The following CASD1 variants were observed in gnomAD, a reference collection of about 807,000 sequenced individuals.
CASD1 encodes the protein CAS1 domain sialic acid O acetyltransferase 1.
A neutral mutation model predicts 100.0 loss-of-function variants in CASD1; 41 were observed. The observed-to-expected ratio is 0.41, with a 90% CI of 0.32 to 0.53. The LOEUF is 0.53. Ranked by LOEUF, CASD1 falls within the 20% of genes least tolerant of loss-of-function variation. The pLI is 0.25. For synonymous variants in CASD1, 321 were observed against 315.6 expected (o/e 1.02, Z -0.18); for missense variants, 774 against 948.7 (o/e 0.82, Z 2.42).
Position 94,544,522 on chromosome 7 carries a change from G to A in CASD1, c.1468G>A (p.Val490Ile), listed in dbSNP as rs1461869447. Residue 490 changes from valine to isoleucine, a missense_variant, in exon 11 of 18, where the codon GTA (valine) becomes ATA (isoleucine). Val to Ile is a conservative substitution (Grantham distance 29). Coordinates refer to ENST00000297273, the MANE Select transcript of CASD1 (RefSeq NM_022900.5). ...AAAAGGAGATTTTGGAATCTATAGA[G>A]TATGTCAGGTAGGAATGCACTGTTA... Reference protein sequence around the residue: ...WIKGDFGIYRVCQVLFRLNFL... With the variant: ...WIKGDFGIYRICQVLFRLNFL... 1 of 1,612,124 alleles carries A rather than the reference G, an allele frequency of 6.2e-7. No homozygotes were observed. The highest frequency in any genetic ancestry group is 2.2e-5 in the East Asian group (1 of 44,704).
chr7:94,628,497 C>A, the CASD1 span: 2 of 641,208 alleles, frequency 3.1e-6, no homozygotes, highest in Non-Finnish European at 2.7e-6. Flanking sequence ...CAAAACCCAT[C>A]TGGGAATTTA....
chr7:94,555,503 C>T lies in CASD1; in HGVS notation c.2139C>T (p.Cys713=), dbSNP rs1292269562. Reference sequence around the variant, plus strand: ...ATTTTTTCTCCTAGCTATTTATTTGCCAGTATCACATATGGCTGGCAGCGG... The same window carrying T: ...ATTTTTTCTCCTAGCTATTTATTTGTCAGTATCACATATGGCTGGCAGCGG... ...FGKISLELFI[C]QYHIWLAADT... Residue 713 remains cysteine (C), a synonymous_variant, in exon 18 of 18, where the codon TGC becomes TGT. Transcript: ENST00000297273. 11 of 1,611,774 alleles carry T rather than the reference C, an allele frequency of 6.8e-6. No homozygotes were observed. Among genetic ancestry groups the T allele is most frequent in the Non-Finnish European group, 9.3e-6 (11 of 1,178,754 alleles).
chr7:94,510,774 A>AAAGGGCG (rs1326180575), intron 1 of CASD1, among the ~76,000 whole-genome samples: 2 of 152,280 alleles, frequency 1.3e-5, no homozygotes, highest in Non-Finnish European at 2.9e-5. Context: ...TCCTTTGCCA[A>AAAGGGCG]AAGGGCGACA....
the CASD1 span, chr7:94,588,762 C>T: frequency 6.2e-7 from 1 of 1,613,194 alleles, no homozygotes; most frequent in Non-Finnish European, 8.5e-7. Flanking sequence ...TTGAGTAAAA[C>T]TGTTTGTTTA....
At chr7:94,588,891 A>G in the CASD1 span, 181 of 746,676 alleles carry the variant, frequency 2.4e-4, no homozygotes, top group Non-Finnish European at 1.0e-4. Context: ...AGATGAGGAA[A>G]CTGAGGTCTG....
the CASD1 span, chr7:94,618,642 T>C: frequency 1.2e-6 from 1 of 805,150 alleles, no homozygotes. Context: ...CTTTACAATA[T>C]CTATTTCTTA....
intron 7 of CASD1, among the ~76,000 whole-genome samples, chr7:94,534,860 C>T (rs1417252445): frequency 2.0e-5 from 3 of 152,006 alleles, no homozygotes; most frequent in Admixed American, 1.3e-4. Flanking sequence ...CCTTGAGCCT[C>T]AATAATATTA....
At chr7:94,603,411 CAAG>C in the CASD1 span, 2 of 1,613,300 alleles carry the variant, frequency 1.2e-6, no homozygotes, top group East Asian at 2.2e-5. Context: ...TTCTCGTAAA[CAAG>C]AAGAAAACGG....
the CASD1 span, among the ~76,000 whole-genome samples, chr7:94,595,692 G>C: frequency 6.6e-6 from 1 of 152,144 alleles, no homozygotes; most frequent in Non-Finnish European, 1.5e-5. Flanking sequence ...TTAAAACATA[G>C]CTGTTTTTCT....
At chr7:94,594,044 G>A in the CASD1 span, among the ~76,000 whole-genome samples, 2 of 152,014 alleles carry the variant, frequency 1.3e-5, no homozygotes, top group African/African-American at 4.8e-5. Flanking sequence ...CGTGGTTTGG[G>A]AACAAGGCTA....
chr7:94,581,554 T>A, the CASD1 span, among the ~76,000 whole-genome samples: 42,316 of 151,876 alleles, frequency 0.28, 8,736 homozygotes, highest in African/African-American at 0.58. Flanking sequence ...AACAGGTCCC[T>A]GTGTGTGTTG....
chr7:94,534,018 A>C (rs1272086382), intron 7 of CASD1, among the ~76,000 whole-genome samples: 1 of 152,274 alleles, frequency 6.6e-6, no homozygotes, highest in African/African-American at 2.4e-5. Context: ...ATATCCTCCA[A>C]GAAACCTCAT....
chr7:94,610,355 C>G, the CASD1 span, among the ~76,000 whole-genome samples: 32 of 152,056 alleles, frequency 2.1e-4, no homozygotes, highest in African/African-American at 7.7e-4. Flanking sequence ...AAGGTAGGGA[C>G]TTTGGGTGAT....
chr7:94,555,148 T>C (rs1024542970), intron 17 of CASD1, among the ~76,000 whole-genome samples: 1 of 152,144 alleles, frequency 6.6e-6, no homozygotes, highest in African/African-American at 2.4e-5. Context: ...ATAGAATGTT[T>C]TAAAACAATT....
intron 4 of CASD1, among the ~76,000 whole-genome samples, chr7:94,527,665 TC>T (rs1794642966): frequency 6.6e-6 from 1 of 152,214 alleles, no homozygotes; most frequent in Non-Finnish European, 1.5e-5. Context: ...AACTGAGGCT[TC>T]AAAAATAAGT....
chr7:94,620,381 G>A, the CASD1 span: 1 of 152,012 alleles, frequency 6.6e-6, no homozygotes, highest in Non-Finnish European at 1.5e-5. Context: ...TTACAATTTT[G>A]TTAGATTTCC....
the CASD1 span, chr7:94,628,567 T>C: frequency 1.8e-6 from 1 of 548,834 alleles, no homozygotes; most frequent in Non-Finnish European, 3.3e-6. Context: ...CAAAATCTGA[T>C]GCAACAAAGA....
In CASD1 at chr7:94,555,960, AAC is replaced by A; in HGVS notation, c.*204_*205del. 1.9e-6 allele frequency: 1 copy of A among 534,032 alleles called. No homozygotes were observed. The highest frequency in any genetic ancestry group is 3.2e-6 in the Non-Finnish European group (1 of 311,400). The allele number at this position is 534,032 out of a possible 1,614,324, so 33.1% of individuals were successfully genotyped here. A position where few individuals can be genotyped will look rare whatever the true frequency, so the allele number is the denominator to read the frequency against. ...CCAATATGAAATACTAAAACAAACA[AAC>A]AAACAAAAAACCAGAATGCATTGTA... On this transcript the variant is annotated 3_prime_UTR_variant, in exon 18 of 18. Transcript: ENST00000297273.
At chr7:94,547,866 T>G (rs1409949766) in intron 13 of CASD1, among the ~76,000 whole-genome samples, 2 of 151,922 alleles carry the variant, frequency 1.3e-5, no homozygotes, top group Non-Finnish European at 2.9e-5. Context: ...CACACTGTTT[T>G]GTACCTGGCT....
Sources: gnomAD v4.1 joint callset for allele counts (sites outside exome capture counted in the v4.1 genomes callset) on GRCh38, gnomAD v4.1.1 for gene constraint, MANE v1.5 for transcripts, NCBI Gene and HGNC (gene_info 2026-07-23, HGNC 2026-07-21) for gene names.